Variants in FBXL5 observed in about 807,000 individuals in gnomAD.
FBXL5 encodes F-box and leucine rich repeat protein 5.
Under a neutral mutation model 78.3 loss-of-function variants are expected in FBXL5, and 26 were observed. The ratio of observed to expected loss-of-function variants is 0.33; its 90% CI spans 0.24 to 0.46. The LOEUF (loss-of-function observed/expected upper bound fraction) is 0.46. FBXL5 is among the 20% of genes least tolerant of loss of function. The pLI is 1.00. For missense variants in FBXL5, 710 were observed against 829.2 expected (o/e 0.86, Z 1.77); for synonymous variants, 295 against 282.5 (o/e 1.04, Z -0.45).
chr4:15,643,927 A>G (rs1715135847), intron 2 of FBXL5, among the ~76,000 whole-genome samples: 1 of 152,182 alleles, frequency 6.6e-6, no homozygotes, highest in Admixed American at 6.5e-5. Flanking sequence ...ATTTTATTAA[A>G]CAGTAATAAA....
intron 4 of FBXL5, 116 bp downstream of exon 4, chr4:15,638,392 T>C (rs1178938226): frequency 6.8e-6 from 4 of 584,720 alleles, no homozygotes; most frequent in Non-Finnish European, 1.1e-5. Context: ...TGCCTTTAAC[T>C]GACCACAGTG....
intron 1 of FBXL5, among the ~76,000 whole-genome samples, chr4:15,680,437 C>T (rs1423409928): frequency 6.6e-6 from 1 of 152,024 alleles, no homozygotes; most frequent in East Asian, 1.9e-4. Context: ...TTGGGAGGCC[C>T]AAGTGGGTGG....
chr4:15,607,143 T>G (rs956065324), intron 10 of FBXL5, among the ~76,000 whole-genome samples: 9 of 152,204 alleles, frequency 5.9e-5, no homozygotes, highest in African/African-American at 2.2e-4. Context: ...TAAGTTGATA[T>G]GACACCTGTG....
At position 15,625,826 on chromosome 4, in the gene FBXL5, T is replaced by C; in HGVS notation, c.1276A>G (p.Ile426Val). Residue 426 changes from isoleucine to valine, a missense_variant, in exon 9 of 11, where the codon ATT (isoleucine) becomes GTT (valine). By Grantham distance (29) the Ile-to-Val change is conservative. Around this residue, in one of 4 missense-constraint regions of FBXL5, gnomAD observed 517 missense variants for 542.9 expected, o/e 0.95. Coordinates refer to ENST00000341285, the MANE Select transcript of FBXL5 (RefSeq NM_012161.4). ...TTATTTTTCCACGCAGTTGAAGTAATTTTGCTTGTAGATGTTTTCAAAAAG... is the reference window on the plus strand; with the variant it reads ...TTATTTTTCCACGCAGTTGAAGTAACTTTGCTTGTAGATGTTTTCAAAAAG... ...SGFLKTSTSK[I>V]TSTAWKNKDI... 6.2e-7 allele frequency: 1 copy of C among 1,614,150 alleles called. No individual in the cohort carries two copies. Among genetic ancestry groups the C allele is most frequent in the Non-Finnish European group, 8.5e-7 (1 of 1,180,024 alleles).
At chr4:15,623,043 A>G (rs1410999751) in intron 9 of FBXL5, among the ~76,000 whole-genome samples, 1 of 152,158 alleles carries the variant, frequency 6.6e-6, no homozygotes, top group Non-Finnish European at 1.5e-5. Context: ...CATACCCTAA[A>G]ATAACAACTA....
chr4:15,655,383 G>A (rs1410260028), upstream of FBXL5: 3 of 1,062,100 alleles, frequency 2.8e-6, no homozygotes, highest in Non-Finnish European at 3.4e-6. Flanking sequence ...CCTTGCGCAT[G>A]CGCCCGCCCC....
At chr4:15,639,479 T>C (rs567809766) in intron 3 of FBXL5, among the ~76,000 whole-genome samples, 1 of 152,244 alleles carries the variant, frequency 6.6e-6, no homozygotes, top group Non-Finnish European at 1.5e-5. Context: ...CCTCAAATCA[T>C]TATTTTAGAA....
At chr4:15,677,971 G>A (rs776081286) in intron 1 of FBXL5, among the ~76,000 whole-genome samples, 3 of 152,144 alleles carry the variant, frequency 2.0e-5, no homozygotes, top group Non-Finnish European at 4.4e-5. Context: ...CAGGCAATTA[G>A]TAACGAAATT....
Position 15,644,534 on chromosome 4 carries a change from C to T in FBXL5, c.259G>A (p.Glu87Lys). 6.2e-7 allele frequency: 1 copy of T among 1,613,902 alleles called. No homozygotes were observed. The highest frequency in any genetic ancestry group is 8.5e-7 in the Non-Finnish European group (1 of 1,179,854). ...CCCTTTTCAAAGAGGCTAAGCATCTCGGAGAGTTTATTGTCAGAATGTACA... is the reference window on the plus strand; with the variant it reads ...CCCTTTTCAAAGAGGCTAAGCATCTTGGAGAGTTTATTGTCAGAATGTACA... ...YNVHSDNKLS[E>K]MLSLFEKGLK... The change falls in exon 2 of 11, where the codon GAG becomes AAG. Residue 87 changes from glutamate (E) to lysine (K), a missense_variant. Around this residue, in one of 4 missense-constraint regions of FBXL5, gnomAD observed 132 missense variants for 156.9 expected, o/e 0.84. Coordinates refer to ENST00000341285, the MANE Select transcript of FBXL5 (RefSeq NM_012161.4).
At chr4:15,636,898 G>A (rs1216915437) in intron 4 of FBXL5, among the ~76,000 whole-genome samples, 1 of 152,184 alleles carries the variant, frequency 6.6e-6, no homozygotes, top group Non-Finnish European at 1.5e-5. Context: ...TACTTCATCA[G>A]TGGGAGCTAC....
intron 1 of FBXL5, among the ~76,000 whole-genome samples, chr4:15,670,044 T>G (rs778932590): frequency 2.6e-4 from 39 of 152,370 alleles, no homozygotes; most frequent in Middle Eastern, 6.8e-3. Flanking sequence ...ACTTCCTGAC[T>G]CAAGCTTTTA....
At chr4:15,634,385 G>T (rs535000276) in intron 5 of FBXL5, among the ~76,000 whole-genome samples, 2 of 151,134 alleles carry the variant, frequency 1.3e-5, no homozygotes, top group East Asian at 3.9e-4. Context: ...TGTTTTTTTT[G>T]AGACGGAGTC....
chr4:15,680,512 T>G (rs920595773), intron 1 of FBXL5, among the ~76,000 whole-genome samples: 62 of 151,910 alleles, frequency 4.1e-4, no homozygotes, highest in African/African-American at 1.5e-3. Context: ...CTTTGTATTT[T>G]TGAAAAATAC....
At chr4:15,680,421 A>G (rs1475998224) in intron 1 of FBXL5, among the ~76,000 whole-genome samples, 1 of 152,250 alleles carries the variant, frequency 6.6e-6, no homozygotes, top group African/African-American at 2.4e-5. Flanking sequence ...CTGTAATCCC[A>G]GCACTTTGGG....
At chr4:15,646,084 A>T (rs931398430) in intron 1 of FBXL5, among the ~76,000 whole-genome samples, 1 of 152,224 alleles carries the variant, frequency 6.6e-6, no homozygotes, top group African/African-American at 2.4e-5. Flanking sequence ...GACAGGTAAT[A>T]AATATTTTAA....
At chr4:15,632,555 G>A (rs1254251422) in intron 5 of FBXL5, among the ~76,000 whole-genome samples, 2 of 152,132 alleles carry the variant, frequency 1.3e-5, no homozygotes, top group African/African-American at 4.8e-5. Context: ...AGCATGGAAT[G>A]TTCTTCCATT....
rs1193886820 is a variant in FBXL5 at position 15,604,872 on chromosome 4, A to G, written c.*851T>C. 6.6e-6 allele frequency: 1 copy of G among 152,238 alleles called. No individual in the cohort carries two copies. The highest frequency in any genetic ancestry group is 1.5e-5 in the Non-Finnish European group (1 of 68,040). 9.4% of individuals were successfully genotyped at this position (152,238 alleles called of 1,614,324 possible). On this transcript the variant is annotated 3_prime_UTR_variant, in exon 11 of 11. Transcript: ENST00000341285. ...TCAAAAAGAAAATTCAGCTCAATAA[A>G]ATTCAGTATCTGTCTAAAACTATTT...
At chr4:15,612,532 G>T in intron 9 of FBXL5, 118 bp from the exon 10 acceptor site, 1 of 937,442 alleles carries the variant, frequency 1.1e-6, no homozygotes, top group South Asian at 1.8e-5. Flanking sequence ...GAAAATTTAA[G>T]AATTTCTGTA....
At chr4:15,624,816 G>T (rs527484730) in intron 9 of FBXL5, among the ~76,000 whole-genome samples, 1 of 152,202 alleles carries the variant, frequency 6.6e-6, no homozygotes, top group East Asian at 1.9e-4. Context: ...CTTAACAGCC[G>T]TGTAGTCAGA....
Sources: gnomAD v4.1 joint callset for allele counts (sites outside exome capture counted in the v4.1 genomes callset) on GRCh38, gnomAD v4.1.1 for gene constraint, gnomAD v4.1.1 regional missense constraint, MANE v1.5 for transcripts, NCBI Gene and HGNC (gene_info 2026-07-23, HGNC 2026-07-21) for gene names.